RAB33B: variants seen among roughly 807,000 people sequenced by gnomAD.
RAB33B encodes the protein ras-related protein Rab-33B.
A neutral mutation model predicts 15.0 loss-of-function variants in RAB33B; 6 were observed. The observed-to-expected ratio is 0.40, with a 90% CI of 0.22 to 0.79. The LOEUF (loss-of-function observed/expected upper bound fraction) is 0.79, where lower values mean the gene tolerates loss of function less well. Among genes scored for constraint, RAB33B ranks in the 30% least tolerant of loss-of-function variants. RAB33B has a pLI of 0.37. For missense variants in RAB33B, 257 were observed against 296.4 expected, an observed-to-expected ratio of 0.87 and a Z score of 0.98; for synonymous variants, 117 against 108.3, an observed-to-expected ratio of 1.08 and a Z score of -0.50.
At chr4:139,466,237 T>A (rs565820534) in intron 1 of RAB33B, among the ~76,000 whole-genome samples, 6 of 152,336 alleles carry the variant, frequency 3.9e-5, no homozygotes, top group South Asian at 4.1e-4. Context: ...CATCTTTTTT[T>A]AATTTTGTTT....
At chr4:139,464,407 T>TA in intron 1 of RAB33B, among the ~76,000 whole-genome samples, 1 of 133,038 alleles carries the variant, frequency 7.5e-6, no homozygotes, top group Non-Finnish European at 1.6e-5. Context: ...TTTTTTTTTT[T>TA]TTTTTATACT....
At chr4:139,442,994 G>T in the RAB33B span, among the ~76,000 whole-genome samples, 2 of 148,516 alleles carry the variant, frequency 1.3e-5, no homozygotes, top group African/African-American at 2.4e-5. Context: ...TCGCTGGCAT[G>T]AACTTTTTTT....
At position 139,473,768 on chromosome 4, in the gene RAB33B, A is replaced by C. The variant is rs1750444276; in HGVS notation, c.*642A>C. On this transcript the variant is annotated 3_prime_UTR_variant, in exon 2 of 2. Coordinates refer to ENST00000305626, the MANE Select transcript of RAB33B (RefSeq NM_031296.3). ...TAGTTCCAGTGGGATAAGAAGGCAT[A>C]GAATGTTTTCTGGTTCCCAGTCCAT... The C allele has an allele frequency of 6.6e-6, 1 of 152,200 alleles. No homozygotes were observed. The highest frequency in any genetic ancestry group is 1.5e-5 in the Non-Finnish European group (1 of 68,050). 9.4% of individuals were successfully genotyped at this position (152,200 alleles called of 1,614,324 possible).
chr4:139,471,289 G>A (rs1388685636), intron 1 of RAB33B, among the ~76,000 whole-genome samples: 3 of 152,128 alleles, frequency 2.0e-5, no homozygotes, highest in Non-Finnish European at 2.9e-5. Context: ...GTTTGGTCCG[G>A]TTTTCCTTTT....
At chr4:139,444,436 G>A in the RAB33B span, among the ~76,000 whole-genome samples, 3 of 152,128 alleles carry the variant, frequency 2.0e-5, no homozygotes, top group South Asian at 6.2e-4. Context: ...CTTGAATGAA[G>A]GGGAGGCCAG....
chr4:139,450,600 A>T (rs1319556257), upstream of RAB33B: 1 of 152,232 alleles, frequency 6.6e-6, no homozygotes, highest in East Asian at 1.9e-4. Flanking sequence ...AGGGATGCTG[A>T]TAAAATAAAC....
chr4:139,446,632 T>G, the RAB33B span, among the ~76,000 whole-genome samples: 8 of 152,188 alleles, frequency 5.3e-5, no homozygotes, highest in African/African-American at 1.9e-4. Context: ...CACCAATGGG[T>G]GATCTCAGCA....
chr4:139,439,292 G>A, the RAB33B span, among the ~76,000 whole-genome samples: 6 of 152,166 alleles, frequency 3.9e-5, no homozygotes, highest in Non-Finnish European at 7.3e-5. Context: ...GAGCCACTGT[G>A]CCTGGCCAGA....
At chr4:139,440,221 C>A in the RAB33B span, among the ~76,000 whole-genome samples, 3 of 152,166 alleles carry the variant, frequency 2.0e-5, no homozygotes, top group Non-Finnish European at 2.9e-5. Context: ...CCTGCACCAT[C>A]CCCTAGGCTG....
intron 1 of RAB33B, among the ~76,000 whole-genome samples, chr4:139,455,448 C>T (rs1750051274): frequency 6.6e-6 from 1 of 152,130 alleles, no homozygotes; most frequent in Non-Finnish European, 1.5e-5. Context: ...TTCCTACCCT[C>T]GTATCTTAGA....
At chr4:139,468,124 C>T (rs1750326187) in intron 1 of RAB33B, among the ~76,000 whole-genome samples, 1 of 152,076 alleles carries the variant, frequency 6.6e-6, no homozygotes, top group South Asian at 2.1e-4. Flanking sequence ...TGATGTTTCT[C>T]TCTCTGTGGC....
chr4:139,444,356 G>C, the RAB33B span, among the ~76,000 whole-genome samples: 40 of 152,304 alleles, frequency 2.6e-4, no homozygotes, highest in Admixed American at 5.9e-4. Flanking sequence ...TATTGGGATG[G>C]TGGAGTGGAT....
the RAB33B span, among the ~76,000 whole-genome samples, chr4:139,446,267 CCG>C: frequency 6.6e-6 from 1 of 152,118 alleles, no homozygotes; most frequent in East Asian, 1.9e-4. Flanking sequence ...AGACTAGGGC[CCG>C]GTTCACGGAT....
At chr4:139,452,322 T>G (rs1561000839), upstream of RAB33B, 1 of 152,232 alleles carries the variant, frequency 6.6e-6, no homozygotes, top group African/African-American at 2.4e-5. Context: ...AAATGTGTGT[T>G]AGAGTTAGCA....
the RAB33B span, among the ~76,000 whole-genome samples, chr4:139,444,530 C>T: frequency 6.6e-6 from 1 of 152,126 alleles, no homozygotes; most frequent in African/African-American, 2.4e-5. Context: ...AGATCTCTAG[C>T]CTTTTACCAG....
intron 1 of RAB33B, among the ~76,000 whole-genome samples, chr4:139,469,265 T>C (rs1750348183): frequency 6.6e-6 from 1 of 152,204 alleles, no homozygotes; most frequent in South Asian, 2.1e-4. Context: ...CTTTTTTCTT[T>C]TATCTCCTCT....
At chr4:139,453,718 C>CA (rs1749992409), upstream of RAB33B, 7 of 152,856 alleles carry the variant, frequency 4.6e-5, no homozygotes, top group African/African-American at 1.7e-4. Flanking sequence ...CCGTCAAAGG[C>CA]GGCTCTGCGG....
At chr4:139,447,354 G>A in the RAB33B span, among the ~76,000 whole-genome samples, 3 of 152,088 alleles carry the variant, frequency 2.0e-5, no homozygotes, top group South Asian at 4.1e-4. Context: ...TCATAGCCAG[G>A]ATTCACAGGT....
In RAB33B at chr4:139,472,738, A is replaced by T. The variant is rs1561008272; in HGVS notation, c.302A>T (p.Gln101Leu). 2.5e-6 allele frequency: 4 copies of T among 1,613,412 alleles called. No homozygotes were observed. Among genetic ancestry groups the T allele is most frequent in the Non-Finnish European group, 3.4e-6 (4 of 1,179,316 alleles). ...GAACGATTCAGAAAGAGCATGGTTC[A>T]GCACTACTACAGAAATGTACATGCT... ...GQERFRKSMV[Q>L]HYYRNVHAVV... The change falls in exon 2 of 2, where the codon CAG (glutamine) becomes CTG (leucine). Residue 101 changes from glutamine (Q) to leucine (L), a missense_variant. Gln to Leu is a moderately radical substitution (Grantham distance 113). Transcript: ENST00000305626.
Sources: gnomAD v4.1 joint callset for allele counts (sites outside exome capture counted in the v4.1 genomes callset) on GRCh38, gnomAD v4.1.1 for gene constraint, MANE v1.5 for transcripts, NCBI Gene and HGNC (gene_info 2026-07-23, HGNC 2026-07-21) for gene names.